Variants in EDIL3 observed in about 807,000 individuals in gnomAD.
EDIL3 encodes the protein EGF-like repeat and discoidin I-like domain-containing protein 3.
Under a neutral mutation model 67.4 loss-of-function variants are expected in EDIL3, and 37 were observed. The ratio of observed to expected loss-of-function variants is 0.55; its 90% CI spans 0.42 to 0.72. EDIL3 has a LOEUF of 0.72. EDIL3 is among the 30% of genes least tolerant of loss of function. The pLI, the probability that EDIL3 is intolerant of heterozygous loss-of-function variation, is 0.00. For synonymous variants in EDIL3, 195 were observed against 196.3 expected, an observed-to-expected ratio of 0.99 and a Z score of 0.05; for missense variants, 527 against 586.3, an observed-to-expected ratio of 0.90 and a Z score of 1.04.
chr5:84,045,286 T>A (rs924414388), intron 9 of EDIL3, among the ~76,000 whole-genome samples: 6 of 152,006 alleles, frequency 3.9e-5, no homozygotes, highest in East Asian at 3.9e-4. Flanking sequence ...CCAAACCATA[T>A]CAGTAGATAA....
intron 1 of EDIL3, among the ~76,000 whole-genome samples, chr5:84,340,385 C>G (rs1277979281): frequency 6.6e-6 from 1 of 151,012 alleles, no homozygotes; most frequent in Non-Finnish European, 1.5e-5. Flanking sequence ...TAATCCATTT[C>G]TTATTTGGAG....
intron 10 of EDIL3, among the ~76,000 whole-genome samples, chr5:83,962,369 A>G (rs1744619044): frequency 6.6e-6 from 1 of 151,470 alleles, no homozygotes; most frequent in Non-Finnish European, 1.5e-5. Flanking sequence ...GACTCTAAGC[A>G]ACGAATTAAC....
chr5:84,250,031 A>G (rs551359453), intron 2 of EDIL3, among the ~76,000 whole-genome samples: 139 of 152,338 alleles, frequency 9.1e-4, no homozygotes, highest in South Asian at 4.3e-3. Flanking sequence ...CCATCCAGGA[A>G]TGTGAGTGAG....
intron 10 of EDIL3, among the ~76,000 whole-genome samples, chr5:83,949,161 C>T (rs1377999585): frequency 6.6e-6 from 1 of 151,738 alleles, no homozygotes; most frequent in Non-Finnish European, 1.5e-5. Flanking sequence ...TCAGCCTTCA[C>T]TACAGGGCAG....
chr5:84,276,289 G>T (rs1745581951), intron 1 of EDIL3, among the ~76,000 whole-genome samples: 1 of 152,146 alleles, frequency 6.6e-6, no homozygotes, highest in East Asian at 1.9e-4. Context: ...TAGAAGATTG[G>T]TGTGAGAGTG....
At chr5:84,217,810 T>G (rs1744262502) in intron 3 of EDIL3, among the ~76,000 whole-genome samples, 1 of 151,106 alleles carries the variant, frequency 6.6e-6, no homozygotes, top group Non-Finnish European at 1.5e-5. Context: ...CCCTGAGAGA[T>G]AAACTCTCCT....
chr5:83,981,469 T>C (rs991271235), intron 9 of EDIL3, among the ~76,000 whole-genome samples: 13 of 152,172 alleles, frequency 8.5e-5, no homozygotes, highest in Admixed American at 8.5e-4. Context: ...ACTCCAGGGA[T>C]GGAATGAAAT....
At chr5:84,238,003 C>T (rs1744712852) in intron 2 of EDIL3, among the ~76,000 whole-genome samples, 1 of 152,116 alleles carries the variant, frequency 6.6e-6, no homozygotes, top group South Asian at 2.1e-4. Flanking sequence ...CATCATCCCA[C>T]CCCAGTAGAG....
chr5:84,155,316 A>G (rs1463271744), intron 4 of EDIL3, among the ~76,000 whole-genome samples: 2 of 152,180 alleles, frequency 1.3e-5, no homozygotes, highest in African/African-American at 2.4e-5. Context: ...CTTTTAATAT[A>G]TGGTTGCTGC....
intron 1 of EDIL3, among the ~76,000 whole-genome samples, chr5:84,300,613 A>G (rs534822017): frequency 6.6e-6 from 1 of 152,358 alleles, no homozygotes; most frequent in Non-Finnish European, 1.5e-5. Context: ...GTAATCAACT[A>G]TGATGATACA....
chr5:84,344,751 TTTTTATG>T, intron 1 of EDIL3, among the ~76,000 whole-genome samples: 2 of 152,224 alleles, frequency 1.3e-5, no homozygotes, highest in South Asian at 4.1e-4. Context: ...AAACAATTCC[TTTTTATG>T]TTTTTTAGTG....
chr5:84,177,997 T>G (rs957800731), intron 4 of EDIL3, among the ~76,000 whole-genome samples: 1 of 152,168 alleles, frequency 6.6e-6, no homozygotes, highest in African/African-American at 2.4e-5. Flanking sequence ...TCTGAAAAAT[T>G]GTTTAATTTT....
At chr5:84,302,422 G>A (rs1328450808) in intron 1 of EDIL3, among the ~76,000 whole-genome samples, 4 of 151,998 alleles carry the variant, frequency 2.6e-5, no homozygotes, top group African/African-American at 7.2e-5. Flanking sequence ...TCAGTCTCTC[G>A]AGTAGCTGGG....
chr5:84,126,219 G>T (rs768679586), intron 5 of EDIL3, among the ~76,000 whole-genome samples: 8 of 151,970 alleles, frequency 5.3e-5, no homozygotes, highest in African/African-American at 1.9e-4. Flanking sequence ...CAGCAGAAAG[G>T]CCAGGACTGG....
chr5:84,226,094 A>G (rs1271890178), intron 3 of EDIL3, among the ~76,000 whole-genome samples: 1 of 151,732 alleles, frequency 6.6e-6, no homozygotes, highest in Non-Finnish European at 1.5e-5. Context: ...CTGGAAGAGT[A>G]TGAACCTGGT....
At chr5:84,116,747 G>C (rs1474506425) in intron 5 of EDIL3, among the ~76,000 whole-genome samples, 1 of 152,080 alleles carries the variant, frequency 6.6e-6, no homozygotes, top group African/African-American at 2.4e-5. Context: ...CAAATGTAAA[G>C]CTACTAAAAC....
At chr5:84,266,946 T>C (rs1477422797) in intron 1 of EDIL3, among the ~76,000 whole-genome samples, 1 of 152,220 alleles carries the variant, frequency 6.6e-6, no homozygotes, top group Admixed American at 6.5e-5. Context: ...ATGGGTATTA[T>C]CACATTTAAG....
Position 84,048,091 on chromosome 5 carries a change from C to A in EDIL3, c.1137+12209G>T, listed in dbSNP as rs147030884. 1.3e-3 allele frequency: 359 copies of A among 269,462 alleles called. 1 individual carries two copies. Among genetic ancestry groups the A allele is most frequent in the African/African-American group, 7.8e-3 (341 of 43,790 alleles). The allele number at this position is 269,462 out of a possible 1,614,324, so 16.7% of individuals were successfully genotyped here. Reference sequence around the variant, plus strand: ...TGTCAATACTATAGAAGAACGGAAGCTGTCTCACAATCATATACAAGTTTC... The same window carrying A: ...TGTCAATACTATAGAAGAACGGAAGATGTCTCACAATCATATACAAGTTTC... On this transcript the variant is annotated intron_variant, in intron 9 of 10. Coordinates refer to ENST00000296591, the MANE Select transcript of EDIL3 (RefSeq NM_005711.5).
At chr5:84,020,504 A>G (rs1251862258) in intron 9 of EDIL3, among the ~76,000 whole-genome samples, 1 of 152,058 alleles carries the variant, frequency 6.6e-6, no homozygotes, top group East Asian at 1.9e-4. Flanking sequence ...TTGACTACTT[A>G]ATAATCAATT....
Sources: gnomAD v4.1 joint callset for allele counts (sites outside exome capture counted in the v4.1 genomes callset) on GRCh38, gnomAD v4.1.1 for gene constraint, MANE v1.5 for transcripts, NCBI Gene and HGNC (gene_info 2026-07-23, HGNC 2026-07-21) for gene names.